The following SUMF1 variants were observed in gnomAD, a reference collection of about 807,000 sequenced individuals.
SUMF1 encodes formylglycine-generating enzyme.
In SUMF1, 48 loss-of-function variants were observed where a neutral mutation model predicts 47.6. The ratio of observed to expected loss-of-function variants is 1.01; its 90% confidence interval spans 0.80 to 1.28. SUMF1 has a LOEUF of 1.28. SUMF1 is among the 50% of genes most tolerant of loss of function. SUMF1 has a pLI of 0.00. For synonymous variants in SUMF1, 230 were observed against 192.1 expected, an observed-to-expected ratio of 1.20 and a Z score of -1.63; for missense variants, 571 against 485.4, an observed-to-expected ratio of 1.18 and a Z score of -1.66.
chr3:4,446,574 G>A (rs1029635751), intron 3 of SUMF1, among the ~76,000 whole-genome samples: 18 of 152,130 alleles, frequency 1.2e-4, no homozygotes, highest in African/African-American at 4.1e-4. Flanking sequence ...ATCAACAGCC[G>A]CTAACATTAT....
intron 1 of SUMF1, among the ~76,000 whole-genome samples, chr3:4,464,618 A>G (rs896568559): frequency 6.6e-6 from 1 of 152,244 alleles, no homozygotes; most frequent in East Asian, 1.9e-4. Context: ...CAGAAACACC[A>G]CTATGCTCAT....
intron 8 of SUMF1, among the ~76,000 whole-genome samples, chr3:4,138,097 TTAAA>T (rs1693987742): frequency 6.6e-6 from 1 of 152,012 alleles, no homozygotes; most frequent in Non-Finnish European, 1.5e-5. Context: ...AGGAATAAAT[TTAAA>T]AAGGTTTGGG....
intron 8 of SUMF1, among the ~76,000 whole-genome samples, chr3:4,248,182 T>A (rs1210262116): frequency 6.6e-6 from 1 of 152,198 alleles, no homozygotes; most frequent in African/African-American, 2.4e-5. Context: ...GAGGCTGAAG[T>A]GTCCACTGCT....
chr3:4,116,698 C>T (rs536444648), intron 8 of SUMF1, among the ~76,000 whole-genome samples: 32 of 152,094 alleles, frequency 2.1e-4, no homozygotes, highest in African/African-American at 4.3e-4. Flanking sequence ...ACTCTTTGGT[C>T]TGTACTTTAA....
At chr3:4,038,377 G>A (rs1458914484) in intron 9 of SUMF1, among the ~76,000 whole-genome samples, 1 of 152,140 alleles carries the variant, frequency 6.6e-6, no homozygotes, top group Non-Finnish European at 1.5e-5. Flanking sequence ...TAGGTCGACT[G>A]CAGCTTGTTA....
intron 9 of SUMF1, among the ~76,000 whole-genome samples, chr3:4,067,947 G>C (rs1224871349): frequency 6.6e-6 from 1 of 152,046 alleles, no homozygotes; most frequent in Non-Finnish European, 1.5e-5. Flanking sequence ...TTCAGATAAA[G>C]AAACTAAGAG....
chr3:4,333,894 G>T (rs1377872816), intron 8 of SUMF1, among the ~76,000 whole-genome samples: 4 of 151,886 alleles, frequency 2.6e-5, no homozygotes, highest in African/African-American at 4.8e-5. Context: ...TTTAGAGGCT[G>T]GGGTGGGGGG....
chr3:4,095,775 C>T (rs901221324), intron 8 of SUMF1, among the ~76,000 whole-genome samples: 1 of 152,086 alleles, frequency 6.6e-6, no homozygotes, highest in Non-Finnish European at 1.5e-5. Flanking sequence ...TCCCAGTGAC[C>T]TCTAAGCCTG....
chr3:4,313,892 A>G (rs2125101365), intron 8 of SUMF1: 10 of 1,463,908 alleles, frequency 6.8e-6, no homozygotes, highest in Non-Finnish European at 8.2e-6. Flanking sequence ...GTCCATCAGT[A>G]TCCTTTCCCC....
chr3:4,247,127 C>T lies in SUMF1; in HGVS notation c.1014+129203G>A, dbSNP rs147875345. On this transcript the variant is annotated intron_variant and NMD_transcript_variant, in intron 8 of 12. Transcript: ENST00000448413. ...CTATGGCAATACAAGGCAAAGGAGG[C>T]ATATTTTTTCACTGCCCCATTGCCC... Among the ~76,000 whole-genome samples, 1,053 of 152,278 alleles carry T rather than the reference C, an allele frequency of 6.9e-3. 11 individuals carry two copies. Among genetic ancestry groups the T allele is most frequent in the African/African-American group, 0.024 (995 of 41,540 alleles).
At chr3:4,426,973 G>A (rs949040527) in intron 3 of SUMF1, among the ~76,000 whole-genome samples, 1 of 152,328 alleles carries the variant, frequency 6.6e-6, no homozygotes, top group Non-Finnish European at 1.5e-5. Flanking sequence ...GTCCCCTTGA[G>A]AAATGGACTT....
intron 8 of SUMF1, among the ~76,000 whole-genome samples, chr3:4,271,439 T>G (rs1697299184): frequency 6.6e-6 from 1 of 151,852 alleles, no homozygotes; most frequent in African/African-American, 2.4e-5. Context: ...TTTAAAAATC[T>G]ACTCTATTCA....
rs571497539 is a variant in SUMF1 at position 4,088,254 on chromosome 3, C to T, written c.1015-19509G>A. Reference sequence around the variant, plus strand: ...TTCCACTCTCCATACTCAGGTAAGACCAGTCTGCTTTTTACAATGCCCTGA... The same window carrying T: ...TTCCACTCTCCATACTCAGGTAAGATCAGTCTGCTTTTTACAATGCCCTGA... On this transcript the variant is annotated intron_variant and NMD_transcript_variant, in intron 8 of 12. Coordinates refer to the SUMF1 transcript ENST00000448413. Among the ~76,000 whole-genome samples, 3 of 152,190 alleles carry T rather than the reference C, an allele frequency of 2.0e-5. No individual in the cohort carries two copies. In the South Asian group the frequency reaches 6.2e-4, roughly 32 times the overall value.
At chr3:4,431,099 G>T (rs931306774) in intron 3 of SUMF1, among the ~76,000 whole-genome samples, 1 of 152,176 alleles carries the variant, frequency 6.6e-6, no homozygotes, top group East Asian at 1.9e-4. Context: ...ATTTGACAAG[G>T]GAAGTCCAGA....
At chr3:4,384,770 T>C (rs1575159488) in intron 7 of SUMF1, among the ~76,000 whole-genome samples, 1 of 152,216 alleles carries the variant, frequency 6.6e-6, no homozygotes, top group East Asian at 1.9e-4. Context: ...TTTTTGGCTA[T>C]TACGAATAAA....
At chr3:4,157,043 T>A (rs999380308) in intron 8 of SUMF1, among the ~76,000 whole-genome samples, 2 of 151,634 alleles carry the variant, frequency 1.3e-5, no homozygotes, top group Admixed American at 1.3e-4. Context: ...ATAGGATCAT[T>A]CAGTGTCTGG....
chr3:4,165,684 T>A (rs1269676106), intron 8 of SUMF1, among the ~76,000 whole-genome samples: 1 of 152,030 alleles, frequency 6.6e-6, no homozygotes, highest in Non-Finnish European at 1.5e-5. Flanking sequence ...TTTTTCCCCA[T>A]CAGAGAGAGA....
intron 8 of SUMF1, chr3:4,314,238 G>A (rs191643273): frequency 1.9e-5 from 3 of 160,614 alleles, no homozygotes; most frequent in Admixed American, 6.3e-5. Flanking sequence ...TGTACTTTCA[G>A]GTGAGAAATA....
chr3:4,281,532 TAA>T (rs1697529026), intron 8 of SUMF1, among the ~76,000 whole-genome samples: 1 of 152,032 alleles, frequency 6.6e-6, no homozygotes, highest in Non-Finnish European at 1.5e-5. Flanking sequence ...GCCACACACT[TAA>T]TAAGTAGCAG....
Sources: allele counts gnomAD v4.1 joint callset (sites outside exome capture counted in the v4.1 genomes callset), GRCh38; gene constraint gnomAD v4.1.1; transcripts MANE v1.5; gene names NCBI Gene and HGNC (gene_info 2026-07-23, HGNC 2026-07-21).